CDH4: variants seen among roughly 807,000 people sequenced by gnomAD.
CDH4 encodes the protein cadherin-4.
A neutral mutation model predicts 86.0 loss-of-function variants in CDH4; 33 were observed. The ratio of observed to expected loss-of-function variants is 0.38; its 90% CI spans 0.29 to 0.51. The LOEUF (loss-of-function observed/expected upper bound fraction) is 0.51. CDH4 is among the 20% of genes least tolerant of loss of function. The pLI is 0.86. For missense variants in CDH4, 1,114 were observed against 1,307.4 expected (o/e 0.85, Z 2.28); for synonymous variants, 555 against 549.4 (o/e 1.01, Z -0.14).
intron 2 of CDH4, among the ~76,000 whole-genome samples, chr20:61,390,680 C>T (rs978318674): frequency 3.9e-5 from 6 of 151,984 alleles, no homozygotes; most frequent in Non-Finnish European, 7.4e-5. Context: ...CGATTGAGAT[C>T]GTGCGGTCAT....
chr20:61,266,409 C>T (rs981623003), intron 2 of CDH4, among the ~76,000 whole-genome samples: 1 of 151,980 alleles, frequency 6.6e-6, no homozygotes, highest in African/African-American at 2.4e-5. Context: ...CCTTGGGTTT[C>T]TGTGTCTGTA....
At chr20:61,539,822 C>T (rs1198402855) in intron 2 of CDH4, among the ~76,000 whole-genome samples, 1 of 152,238 alleles carries the variant, frequency 6.6e-6, no homozygotes. Flanking sequence ...GCGCATATTC[C>T]CTTGGCCGGA....
intron 3 of CDH4, among the ~76,000 whole-genome samples, chr20:61,765,112 C>G (rs2088683148): frequency 6.6e-6 from 1 of 152,140 alleles, no homozygotes; most frequent in African/African-American, 2.4e-5. Context: ...TTCATCTGCC[C>G]CCTGAGGAAA....
intron 11 of CDH4, among the ~76,000 whole-genome samples, chr20:61,925,391 G>A (rs62205050): frequency 0.35 from 53,643 of 152,060 alleles, 9,797 homozygotes; most frequent in Non-Finnish European, 0.4. Flanking sequence ...AGACGTGACC[G>A]CTCTGTGCCT....
chr20:61,405,008 C>T (rs2085073456), intron 2 of CDH4, among the ~76,000 whole-genome samples: 1 of 152,172 alleles, frequency 6.6e-6, no homozygotes, highest in Non-Finnish European at 1.5e-5. Flanking sequence ...TGAGATCGCG[C>T]CCCCGCACTC....
At chr20:61,281,173 G>T (rs2084256857) in intron 2 of CDH4, among the ~76,000 whole-genome samples, 1 of 152,150 alleles carries the variant, frequency 6.6e-6, no homozygotes, top group Non-Finnish European at 1.5e-5. Flanking sequence ...TGGCCTGGGA[G>T]GCTCCAGCGG....
intron 2 of CDH4, among the ~76,000 whole-genome samples, chr20:61,674,906 G>A (rs1360280707): frequency 6.6e-6 from 1 of 152,214 alleles, no homozygotes; most frequent in Non-Finnish European, 1.5e-5. Context: ...TTGGCACACA[G>A]CCATACCTAT....
chr20:61,620,893 G>A (rs1006080362), intron 2 of CDH4, among the ~76,000 whole-genome samples: 8 of 152,196 alleles, frequency 5.3e-5, no homozygotes, highest in Non-Finnish European at 8.8e-5. Context: ...CCACCACCCT[G>A]GTGAGTGCCC....
chr20:61,513,403 G>A (rs144485667), intron 2 of CDH4, among the ~76,000 whole-genome samples: 1 of 152,248 alleles, frequency 6.6e-6, no homozygotes, highest in East Asian at 1.9e-4. Flanking sequence ...AAGGGCCTGG[G>A]GCATCTGAGA....
chr20:61,456,468 C>G (rs1350934404), intron 2 of CDH4, among the ~76,000 whole-genome samples: 2 of 152,180 alleles, frequency 1.3e-5, no homozygotes, highest in Non-Finnish European at 2.9e-5. Flanking sequence ...GAACTGGCAT[C>G]TAGTTGGTAG....
rs560701655 is a variant in CDH4, at chr20:61,517,972, G to T, written c.170-225591G>T. 1.3e-5 allele frequency among the ~76,000 whole-genome samples: 2 copies of T among 151,742 alleles called. No homozygotes were observed. Among genetic ancestry groups the T allele is most frequent in the Admixed American group, 6.5e-5 (1 of 15,274 alleles). On this transcript the variant is annotated intron_variant, in intron 2 of 15. Coordinates refer to ENST00000614565, the MANE Select transcript of CDH4 (RefSeq NM_001794.5). This position sits in a 1 kb window ranked among gnomAD's most constrained non-coding sequence, Gnocchi z 6.6. ...CTGATTGCCCCTGGATGGGCCTCTC[G>T]TGTGGGGCTGGGGCAGGAGCTGCCT...
chr20:61,680,563 TG>T (rs1382272631), intron 2 of CDH4, among the ~76,000 whole-genome samples: 14 of 150,974 alleles, frequency 9.3e-5, no homozygotes, highest in Admixed American at 8.6e-4. Context: ...AAATGAGGAG[TG>T]GGGGAAGGGC....
chr20:61,620,255 G>T (rs1422979741), intron 2 of CDH4, among the ~76,000 whole-genome samples: 7 of 72,340 alleles, frequency 9.7e-5, no homozygotes, highest in Non-Finnish European at 1.8e-4. Flanking sequence ...TGGGTAGATA[G>T]ATGATGGATG....
chr20:61,511,533 C>A (rs2085779822), intron 2 of CDH4, among the ~76,000 whole-genome samples: 1 of 152,266 alleles, frequency 6.6e-6, no homozygotes, highest in Admixed American at 6.5e-5. Context: ...CTCAAAGAAG[C>A]TTCTCTCTGC....
In CDH4 at chr20:61,367,936, T is replaced by C. The variant is rs1045018520; in HGVS notation, c.169+112999T>C. 3.4e-5 allele frequency among the ~76,000 whole-genome samples: 5 copies of C among 147,588 alleles called. No individual in the cohort carries two copies. The South Asian group carries it at 1.1e-3, about 32-fold the overall frequency. On this transcript the variant is annotated intron_variant, in intron 2 of 15. Coordinates refer to ENST00000614565, the MANE Select transcript of CDH4 (RefSeq NM_001794.5). The stretch of plus-strand genomic sequence containing the variant: ...CCCAGGCTGGAGTGCAGTGGCATGC[T>C]CTTGGCTCACTGCAACCTCTGCCTC...
rs181800928 is a variant in CDH4, at chr20:61,506,240, G to A, written c.170-237323G>A. On this transcript the variant is annotated intron_variant, in intron 2 of 15. Coordinates refer to ENST00000614565, the MANE Select transcript of CDH4 (RefSeq NM_001794.5). ...GCTCATGCATCTTCTTTGCATATGCGGTGCATGCAAAAAACAAAACTCTAG... is the reference window on the plus strand; with the variant it reads ...GCTCATGCATCTTCTTTGCATATGCAGTGCATGCAAAAAACAAAACTCTAG... 3.7e-4 allele frequency among the ~76,000 whole-genome samples: 56 copies of A among 152,232 alleles called. 1 individual carries two copies. In the South Asian group the frequency reaches 3.9e-3, roughly 11 times the overall value.
chr20:61,390,684 C>T (rs1187586731), intron 2 of CDH4, among the ~76,000 whole-genome samples: 2 of 150,882 alleles, frequency 1.3e-5, no homozygotes, highest in Middle Eastern at 3.5e-3. Context: ...TGAGATCGTG[C>T]GGTCATAGGG....
chr20:61,872,035 G>C (rs930834019), intron 6 of CDH4, among the ~76,000 whole-genome samples: 4 of 152,196 alleles, frequency 2.6e-5, no homozygotes, highest in African/African-American at 9.6e-5. Flanking sequence ...GGCGAGGTGG[G>C]GGAGGGGCGA....
intron 4 of CDH4, among the ~76,000 whole-genome samples, chr20:61,837,303 G>T (rs547240454): frequency 6.6e-6 from 1 of 152,334 alleles, no homozygotes; most frequent in East Asian, 1.9e-4. Context: ...GCATCCAGGG[G>T]CGCTGAGAAG....
Sources: gnomAD v4.1 joint callset for allele counts (sites outside exome capture counted in the v4.1 genomes callset) on GRCh38, gnomAD v4.1.1 for gene constraint, Gnocchi (gnomAD v3.1) non-coding constraint, MANE v1.5 for transcripts, NCBI Gene and HGNC (gene_info 2026-07-23, HGNC 2026-07-21) for gene names.